Variants in DECR2 observed in about 807,000 individuals in gnomAD.
DECR2 encodes the protein peroxisomal 2,4-dienoyl-CoA reductase [(3E)-enoyl-CoA-producing].
DECR2 carries 34 observed loss-of-function variants against 29.2 expected under a neutral mutation model. The ratio of observed to expected loss-of-function variants is 1.16; its 90% CI spans 0.89 to 1.55. The LOEUF (loss-of-function observed/expected upper bound fraction) is 1.55, where lower values mean the gene tolerates loss of function less well. Ranked by LOEUF, DECR2 falls within the 40% of genes most tolerant of loss-of-function variation. The pLI is 0.00. For synonymous variants in DECR2, 224 were observed against 182.7 expected, an observed-to-expected ratio of 1.23 and a Z score of -1.82; for missense variants, 485 against 425.3, an observed-to-expected ratio of 1.14 and a Z score of -1.23.
rs751211915 is a variant in DECR2 at position 405,566 on chromosome 16, G to A, written c.149+542G>A. ...AGCTCCAGTGGGACCTGCCTAGCAG[G>A]GGTAGCTACCTTTATGGTTATTGTG... On this transcript the variant is annotated intron_variant, in intron 2 of 8. Coordinates refer to ENST00000219481, the MANE Select transcript of DECR2 (RefSeq NM_020664.4). 41 of 1,304,458 alleles carry A rather than the reference G, an allele frequency of 3.1e-5. No individual in the cohort carries two copies. The South Asian group carries it at 4.8e-4, about 15-fold the overall frequency. The allele number at this position is 1,304,458 out of a possible 1,614,324, so 80.8% of individuals were successfully genotyped here.
intron 4 of DECR2, among the ~76,000 whole-genome samples, chr16:408,294 CCTGTCTCCGGGCTT>C (rs2054767463): frequency 6.6e-6 from 1 of 150,880 alleles, no homozygotes; most frequent in African/African-American, 2.4e-5. Context: ...TCTCCGGCCC[CCTGTCTCCGGGCTT>C]CTGTCTCTGG....
At chr16:409,651 C>G (rs979112796) in intron 4 of DECR2, 1 of 152,342 alleles carries the variant, frequency 6.6e-6, no homozygotes, top group Admixed American at 6.5e-5. Flanking sequence ...GTTTCCTGGG[C>G]TAACAGAGTA....
chr16:411,362 T>A lies in DECR2; in HGVS notation c.663T>A (p.Gly221=). The A allele has an allele frequency of 6.2e-7, 1 of 1,604,930 alleles. No individual in the cohort carries two copies. Among genetic ancestry groups the A allele is most frequent in the Non-Finnish European group, 8.5e-7 (1 of 1,178,468 alleles). The change falls in exon 8 of 9, where the codon GGT becomes GGA. Residue 221 remains glycine (G), a splice_region_variant and synonymous_variant. Coordinates refer to ENST00000219481, the MANE Select transcript of DECR2 (RefSeq NM_020664.4). ...CCTGAGCCTTCTGCTGCCCTCCAGG[T>A]GGCCCTCAGGCCAGCCTGAGCACCA... The part of the protein sequence containing the change: ...ISGTEGLRRL[G]GPQASLSTKV...
rs1422297948 is a variant in DECR2, at chr16:402,038, G to A, written c.75G>A (p.Leu25=). ...PAYRHLFCPD[L]LRDKVAFITG... ...ACCGCCACCTCTTCTGCCCGGACCT[G>A]CTGCGGTGAGCGGGGCCTGGGAAGC... Residue 25 remains leucine, a synonymous_variant, in exon 1 of 9, where the codon CTG becomes CTA. Coordinates refer to ENST00000219481, the MANE Select transcript of DECR2 (RefSeq NM_020664.4). The A allele has an allele frequency of 2.1e-6, 3 of 1,439,560 alleles. No individual in the cohort carries two copies. The highest frequency in any genetic ancestry group is 6.0e-5 in the East Asian group (2 of 33,400). 89.2% of individuals were successfully genotyped at this position (1,439,560 alleles called of 1,614,324 possible).
chr16:410,751 CA>C lies in DECR2; in HGVS notation c.524del (p.Gln175ArgfsTer14), dbSNP rs1237967916. 6.2e-7 allele frequency: 1 copy of C among 1,605,476 alleles called. No homozygotes were observed. Among genetic ancestry groups the C allele is most frequent in the Non-Finnish European group, 8.5e-7 (1 of 1,177,708 alleles). On this transcript the variant is annotated frameshift_variant, in exon 6 of 9. Coordinates refer to ENST00000219481, the MANE Select transcript of DECR2 (RefSeq NM_020664.4). LOFTEE classifies it high-confidence loss of function. This position sits in a 1 kb window ranked among gnomAD's most constrained non-coding sequence, Gnocchi z 4.1. ...ATLGNRGQAL[Q>X]VHAGSAKAAV... Reference sequence around the variant, plus strand: ...CCTGGGGAACCGGGGGCAGGCGCTCCAGGTGCATGCAGGCTCCGCCAAGGCC... The same window carrying C: ...CCTGGGGAACCGGGGGCAGGCGCTCCGGTGCATGCAGGCTCCGCCAAGGCC...
intron 1 of DECR2, 125 bp downstream of exon 1, chr16:402,168 CTTTTTTCTTTCT>C: frequency 5.6e-6 from 4 of 709,340 alleles, no homozygotes; most frequent in African/African-American, 2.2e-5. Flanking sequence ...TCCTTTCTTT[CTTTTTTCTTTCT>C]TTTTTTTTTT....
rs574458333 is a variant in DECR2 at position 406,622 on chromosome 16, G to A, written c.201+225G>A. On this transcript the variant is annotated intron_variant, in intron 3 of 8. Transcript: ENST00000219481. ...AAGCGATTCTCCTGCCTCAGCCTCC[G>A]GAGTAGCTGGGACTACAGGTGCCCG... The A allele has an allele frequency of 9.3e-5, 59 of 635,748 alleles. No homozygotes were observed. The East Asian group carries it at 1.2e-3, about 12-fold the overall frequency. The allele number at this position is 635,748 out of a possible 1,614,324, so 39.4% of individuals were successfully genotyped here. A position where few individuals can be genotyped will look rare whatever the true frequency, so the allele number is the denominator to read the frequency against.
rs781305416 is a variant in DECR2 at position 411,375 on chromosome 16, A to G, written c.676A>G (p.Ser226Gly). Residue 226 changes from serine (S) to glycine (G), a missense_variant, in exon 8 of 9, where the codon AGC (serine) becomes GGC (glycine). Transcript: ENST00000219481. ...GLRRLGGPQA[S>G]LSTKVTASPL... ...CTGCCCTCCAGGTGGCCCTCAGGCC[A>G]GCCTGAGCACCAAGGTCACTGCCAG... is the stretch of plus-strand genomic sequence containing the variant. 1 of 1,608,716 alleles carries G rather than the reference A, an allele frequency of 6.2e-7. No individual in the cohort carries two copies. Among genetic ancestry groups the G allele is most frequent in the Non-Finnish European group, 8.5e-7 (1 of 1,179,440 alleles).
intron 2 of DECR2, chr16:405,402 G>T: frequency 3.1e-6 from 2 of 653,364 alleles, no homozygotes; most frequent in Non-Finnish European, 4.6e-6. Flanking sequence ...TTAGGCTGGG[G>T]TGGGGGAAAG....
chr16:404,428 C>T (rs1055683901), intron 1 of DECR2, among the ~76,000 whole-genome samples: 6 of 150,486 alleles, frequency 4.0e-5, no homozygotes, highest in East Asian at 2.0e-4. Context: ...TTAGTAGAGA[C>T]GGGGTTTCTC....
chr16:408,782 G>A (rs1281757192), intron 4 of DECR2, among the ~76,000 whole-genome samples: 2 of 151,630 alleles, frequency 1.3e-5, no homozygotes, highest in African/African-American at 4.9e-5. Flanking sequence ...CTCCCAAAAT[G>A]CTGGGATTAC....
chr16:402,522 C>G (rs1377281644), intron 1 of DECR2, among the ~76,000 whole-genome samples: 1 of 152,152 alleles, frequency 6.6e-6, no homozygotes, highest in Non-Finnish European at 1.5e-5. Flanking sequence ...AGGTTTTGCC[C>G]AGCAGCTCTT....
At chr16:409,963 T>G (rs2141816090) in intron 4 of DECR2, 1 of 464,832 alleles carries the variant, frequency 2.2e-6, no homozygotes. Flanking sequence ...TTCAGTGTAA[T>G]TCGATTATCT....
In DECR2 at chr16:411,823, G is replaced by A. The variant is rs1281561285; in HGVS notation, c.*1-67G>A. The A allele has an allele frequency of 1.0e-5, 5 of 481,400 alleles. No homozygotes were observed. In the Admixed American group the frequency reaches 1.2e-4, roughly 11 times the overall value. 29.8% of individuals were successfully genotyped at this position (481,400 alleles called of 1,614,324 possible). On this transcript the variant is annotated intron_variant, in intron 8 of 8. Transcript: ENST00000219481. ...CATTTCTGGCAGGTGCTGGGTGGCC[G>A]AGGCAGCCGAGGTGTTTTAGGGGGA...
chr16:403,271 C>T (rs1427281071), intron 1 of DECR2, among the ~76,000 whole-genome samples: 3 of 152,088 alleles, frequency 2.0e-5, no homozygotes, highest in East Asian at 1.9e-4. Context: ...CCACCTGCCT[C>T]GGCCTCCCAA....
intron 1 of DECR2, 34 bp from the exon 2 acceptor site, chr16:404,922 G>T (rs1326208859): frequency 1.2e-6 from 2 of 1,612,858 alleles, no homozygotes; most frequent in Non-Finnish European, 1.7e-6. Flanking sequence ...GCCCAATAGG[G>T]CTCTTTTAAA....
chr16:404,577 G>A (rs936971394), intron 1 of DECR2, among the ~76,000 whole-genome samples: 6 of 151,958 alleles, frequency 3.9e-5, no homozygotes, highest in South Asian at 2.1e-4. Flanking sequence ...TAGCAATATG[G>A]GAGGTGTATT....
At chr16:407,631 T>C in intron 4 of DECR2, 71 bp downstream of exon 4, 1 of 1,588,108 alleles carries the variant, frequency 6.3e-7, no homozygotes, top group Admixed American at 1.7e-5. Flanking sequence ...CCTAGAACTC[T>C]GGTCATGGGG....
Position 410,440 on chromosome 16 carries a change from G to C in DECR2, c.462+73G>C, listed in dbSNP as rs749261930. 2 of 1,580,084 alleles carry C rather than the reference G, an allele frequency of 1.3e-6. No individual in the cohort carries two copies. Among genetic ancestry groups the C allele is most frequent in the South Asian group, 1.1e-5 (1 of 88,740 alleles). ...CGTGCGCTCTGTGAGAAGTTCTTCC[G>C]GGTGGGTGCCTTGTGCGCTCTGTGA... is the stretch of plus-strand genomic sequence containing the variant. On this transcript the variant is annotated intron_variant, in intron 5 of 8. Transcript: ENST00000219481. This position sits in a 1 kb window ranked among gnomAD's most constrained non-coding sequence, Gnocchi z 4.1.
Sources: allele counts gnomAD v4.1 joint callset (sites outside exome capture counted in the v4.1 genomes callset), GRCh38; gene constraint gnomAD v4.1.1; non-coding constraint Gnocchi (gnomAD v3.1); transcripts MANE v1.5; gene names NCBI Gene and HGNC (gene_info 2026-07-23, HGNC 2026-07-21).